The following GRK1 variants were observed in gnomAD, a reference collection of about 807,000 sequenced individuals.
GRK1 encodes the protein G protein-coupled receptor kinase 1, also known as rhodopsin kinase GRK1.
In GRK1, 28 loss-of-function variants were observed where a neutral mutation model predicts 41.7. The ratio of observed to expected loss-of-function variants is 0.67; its 90% CI spans 0.50 to 0.92. The LOEUF (loss-of-function observed/expected upper bound fraction) is 0.92. Among genes scored for constraint, GRK1 ranks in the 40% least tolerant of loss-of-function variants. The pLI is 0.00. For missense variants in GRK1, 703 were observed against 671.2 expected (o/e 1.05, Z -0.52); for synonymous variants, 327 against 286.7 (o/e 1.14, Z -1.42).
At chr13:113,661,032 A>G in the GRK1 span, among the ~76,000 whole-genome samples, 1 of 152,232 alleles carries the variant, frequency 6.6e-6, no homozygotes, top group African/African-American at 2.4e-5. Flanking sequence ...TTCGCAGAAT[A>G]CTCAACAGAG....
At chr13:113,658,514 G>A in the GRK1 span, among the ~76,000 whole-genome samples, 4 of 152,240 alleles carry the variant, frequency 2.6e-5, no homozygotes, top group African/African-American at 4.8e-5. Context: ...ATTGAGGTCA[G>A]AGCAGAGCCG....
At chr13:113,653,894 T>C in the GRK1 span, among the ~76,000 whole-genome samples, 2 of 152,208 alleles carry the variant, frequency 1.3e-5, no homozygotes, top group African/African-American at 4.8e-5. Context: ...CCGTCGACTT[T>C]CCCGATGTGA....
At chr13:113,653,957 T>C in the GRK1 span, among the ~76,000 whole-genome samples, 2 of 152,226 alleles carry the variant, frequency 1.3e-5, no homozygotes, top group African/African-American at 2.4e-5. Flanking sequence ...GAAACACAGA[T>C]GCAGAAACGT....
At chr13:113,659,282 G>C in the GRK1 span, among the ~76,000 whole-genome samples, 18 of 152,364 alleles carry the variant, frequency 1.2e-4, no homozygotes. Context: ...TCTGCAGGAG[G>C]TTGATGGGAA....
rs1270010315 is a variant in GRK1, at chr13:113,735,486, C to T, written c.*123C>T. Reference sequence around the variant, plus strand: ...ACACGTGGTTCCCTCCACCCAGGTCCCCATCACGCCATCTCCTTGCGGCCC... The same window carrying T: ...ACACGTGGTTCCCTCCACCCAGGTCTCCATCACGCCATCTCCTTGCGGCCC... On this transcript the variant is annotated 3_prime_UTR_variant, in exon 7 of 7. Coordinates refer to ENST00000335678, the MANE Select transcript of GRK1 (RefSeq NM_002929.3). 6.4e-6 allele frequency: 7 copies of T among 1,101,912 alleles called. No homozygotes were observed. In the African/African-American group the frequency reaches 9.5e-5, roughly 15 times the overall value. 68.3% of individuals were successfully genotyped at this position (1,101,912 alleles called of 1,614,324 possible).
chr13:113,730,494 C>G (rs557214430), intron 4 of GRK1, among the ~76,000 whole-genome samples: 1 of 149,532 alleles, frequency 6.7e-6, no homozygotes, highest in Non-Finnish European at 1.5e-5. Context: ...CCCTCCATCC[C>G]GAGACAGTCC....
the GRK1 span, among the ~76,000 whole-genome samples, chr13:113,654,460 A>G: frequency 6.6e-6 from 1 of 152,224 alleles, no homozygotes; most frequent in African/African-American, 2.4e-5. Context: ...TTCCGTGTGC[A>G]TATCCAAGCA....
At chr13:113,652,874 C>G in the GRK1 span, 3 of 1,614,136 alleles carry the variant, frequency 1.9e-6, no homozygotes, top group Non-Finnish European at 2.5e-6. Flanking sequence ...AGTACTCACC[C>G]TGTTCATTTT....
In GRK1 at chr13:113,733,066, C is replaced by T. The variant is rs1017195834; in HGVS notation, c.1377C>T (p.Asn459=). ...LRAHPLFKDL[N]WRQLEAGMLM... is the part of the protein sequence containing the mutation. ...CCCACCCCCTCTTCAAGGACCTTAACTGGAGGCAGCTGGAGGCTGGTACTG... is the reference window on the plus strand; with the variant it reads ...CCCACCCCCTCTTCAAGGACCTTAATTGGAGGCAGCTGGAGGCTGGTACTG... The change falls in exon 6 of 7, where the codon AAC becomes AAT. Residue 459 remains asparagine (N), a synonymous_variant. Coordinates refer to ENST00000335678, the MANE Select transcript of GRK1 (RefSeq NM_002929.3). The T allele has an allele frequency of 1.2e-5, 19 of 1,536,368 alleles. No homozygotes were observed. The highest frequency in any genetic ancestry group is 2.7e-5 in the African/African-American group (2 of 73,064).
chr13:113,729,593 C>G (rs532040473), intron 4 of GRK1, among the ~76,000 whole-genome samples: 4 of 152,334 alleles, frequency 2.6e-5, no homozygotes, highest in African/African-American at 9.6e-5. Context: ...AAGCTGCTGC[C>G]AGAGCCCTGA....
the GRK1 span, among the ~76,000 whole-genome samples, chr13:113,651,133 C>A: frequency 6.6e-6 from 1 of 151,796 alleles, no homozygotes; most frequent in Non-Finnish European, 1.5e-5. Flanking sequence ...AATGGAACCA[C>A]GCTGTGAAAC....
Position 113,667,587 on chromosome 13 carries a change from C to A in GRK1, c.201C>A (p.Ile67=), listed in dbSNP as rs374642702. The change falls in exon 1 of 7, where the codon ATC becomes ATA. Residue 67 remains isoleucine (I), a synonymous_variant. Transcript: ENST00000335678. The surrounding 1 kb of genome is among the most constrained non-coding windows in gnomAD (Gnocchi z 7.5). ...EFESVCLEQP[I]GKKLFQQFLQ... ...AGAGTGTGTGCTTGGAGCAGCCCAT[C>A]GGCAAGAAGCTCTTTCAGCAGTTCC... The A allele has an allele frequency of 1.2e-6, 2 of 1,613,600 alleles. No individual in the cohort carries two copies. Among genetic ancestry groups the A allele is most frequent in the South Asian group, 1.1e-5 (1 of 91,082 alleles).
intron 4 of GRK1, among the ~76,000 whole-genome samples, chr13:113,728,267 CGAT>C (rs2049907542): frequency 1.1e-5 from 1 of 94,598 alleles, no homozygotes; most frequent in East Asian, 2.9e-4. Context: ...GTACCCATGG[CGAT>C]GAGGAGTACC....
intron 1 of GRK1, among the ~76,000 whole-genome samples, chr13:113,668,477 G>A (rs1454235795): frequency 3.9e-5 from 6 of 152,218 alleles, no homozygotes; most frequent in South Asian, 2.1e-4. Flanking sequence ...TCCTCTGATC[G>A]CAGCGAATGC....
At chr13:113,661,568 A>G in the GRK1 span, among the ~76,000 whole-genome samples, 1 of 152,162 alleles carries the variant, frequency 6.6e-6, no homozygotes, top group Non-Finnish European at 1.5e-5. Context: ...AGCAATAGAA[A>G]GGACTAGTTC....
chr13:113,667,810 C>G lies in GRK1; in HGVS notation c.424C>G (p.Gln142Glu). The G allele has an allele frequency of 3.1e-6, 5 of 1,603,118 alleles. No individual in the cohort carries two copies. Among genetic ancestry groups the G allele is most frequent in the Non-Finnish European group, 4.3e-6 (5 of 1,173,262 alleles). The change falls in exon 1 of 7, where the codon CAG (glutamine) becomes GAG (glutamate). Residue 142 changes from glutamine to glutamate, a missense_variant. Transcript: ENST00000335678. This position sits in a 1 kb window ranked among gnomAD's most constrained non-coding sequence, Gnocchi z 7.5. ...GTTTAAGGAGGGGCCTGTGGAGATCCAGGACGGGCTCTTCCAGCCCCTGCT... is the reference window on the plus strand; with the variant it reads ...GTTTAAGGAGGGGCCTGTGGAGATCGAGGACGGGCTCTTCCAGCCCCTGCT... ...AKFKEGPVEI[Q>E]DGLFQPLLQA...
the GRK1 span, among the ~76,000 whole-genome samples, chr13:113,660,910 A>G: frequency 7.6e-4 from 116 of 152,340 alleles, 1 homozygote; most frequent in Middle Eastern, 0.02. Flanking sequence ...ATCCACAATT[A>G]TAGTTGGAGA....
intron 4 of GRK1, among the ~76,000 whole-genome samples, chr13:113,728,168 A>G (rs375185330): frequency 1.1e-3 from 46 of 41,962 alleles, no homozygotes; most frequent in African/African-American, 2.3e-3. Context: ...GCGATGAGGA[A>G]TACCCATGGC....
chr13:113,658,320 A>C, the GRK1 span: 1 of 620,742 alleles, frequency 1.6e-6, no homozygotes, highest in Non-Finnish European at 2.7e-6. Context: ...GCCTCACCAA[A>C]CACCAGGGGC....
Sources: allele counts gnomAD v4.1 joint callset (sites outside exome capture counted in the v4.1 genomes callset), GRCh38; gene constraint gnomAD v4.1.1; non-coding constraint Gnocchi (gnomAD v3.1); transcripts MANE v1.5; gene names NCBI Gene and HGNC (gene_info 2026-07-23, HGNC 2026-07-21).